The following TMEM212 variants were observed in gnomAD, a reference collection of about 807,000 sequenced individuals.
The protein encoded by TMEM212 is transmembrane protein 212.
TMEM212 carries 23 observed loss-of-function variants against 20.5 expected under a neutral mutation model. The observed-to-expected ratio is 1.12, with a 90% CI of 0.81 to 1.59. The LOEUF (loss-of-function observed/expected upper bound fraction) is 1.59, where lower values mean the gene tolerates loss of function less well. Ranked by LOEUF, TMEM212 falls within the 40% of genes most tolerant of loss-of-function variation. The pLI is 0.00. For synonymous variants in TMEM212, 76 were observed against 81.6 expected (o/e 0.93, Z 0.37); for missense variants, 211 against 215.0 (o/e 0.98, Z 0.12).
In TMEM212 at chr3:171,858,101, C is replaced by A. The variant is rs1388804196; in HGVS notation, c.*44C>A. ...AAGTTCATATGGGACCAAAAAAGAG[C>A]CCGCATACCCAAGACAATCCTAAGC... On this transcript the variant is annotated 3_prime_UTR_variant, in exon 5 of 5. Coordinates refer to ENST00000334567, the MANE Select transcript of TMEM212 (RefSeq NM_001164436.2). The A allele has an allele frequency of 6.6e-6, 1 of 152,072 alleles. No homozygotes were observed. The highest frequency in any genetic ancestry group is 1.5e-5 in the Non-Finnish European group (1 of 68,048). The allele number at this position is 152,072 out of a possible 1,614,324, so 9.4% of individuals were successfully genotyped here.
chr3:171,849,358 T>C (rs1724916837), intron 1 of TMEM212, among the ~76,000 whole-genome samples: 2 of 152,238 alleles, frequency 1.3e-5, no homozygotes, highest in Admixed American at 6.5e-5. Flanking sequence ...TTCTCGTGTG[T>C]GCATTATTTT....
chr3:171,857,319 G>T (rs1039995488), intron 4 of TMEM212, among the ~76,000 whole-genome samples: 2 of 152,160 alleles, frequency 1.3e-5, no homozygotes, highest in African/African-American at 4.8e-5. Context: ...AATAAATGGT[G>T]TTAGGAAAAC....
rs1465662283 is a variant in TMEM212, at chr3:171,853,882, G to T, written c.543+32G>T. 5 of 1,487,360 alleles carry T rather than the reference G, an allele frequency of 3.4e-6. No individual in the cohort carries two copies. The Admixed American group carries it at 1.0e-4, about 30-fold the overall frequency. The allele number at this position is 1,487,360 out of a possible 1,614,324, so 92.1% of individuals were successfully genotyped here. ...TTCAACAAAGGGGAGGCAGGTTCTTGTTCCATCTTGTATGCTAAAATGGAA... is the reference window on the plus strand; with the variant it reads ...TTCAACAAAGGGGAGGCAGGTTCTTTTTCCATCTTGTATGCTAAAATGGAA... On this transcript the variant is annotated intron_variant, in intron 3 of 4. Coordinates refer to ENST00000334567, the MANE Select transcript of TMEM212 (RefSeq NM_001164436.2).
intron 3 of TMEM212, among the ~76,000 whole-genome samples, chr3:171,855,169 C>A (rs1397429498): frequency 6.6e-6 from 1 of 152,126 alleles, no homozygotes; most frequent in Non-Finnish European, 1.5e-5. Context: ...ATCTCTTTGA[C>A]ATTCTTCAGA....
chr3:171,851,909 T>C, intron 1 of TMEM212, 73 bp from the exon 2 acceptor site: 1 of 1,351,806 alleles, frequency 7.4e-7, no homozygotes, highest in South Asian at 1.2e-5. Flanking sequence ...GTTGTCAAAC[T>C]GTGAGACAGA....
chr3:171,852,478 G>A (rs1725000107), intron 2 of TMEM212, among the ~76,000 whole-genome samples: 1 of 152,186 alleles, frequency 6.6e-6, no homozygotes, highest in Non-Finnish European at 1.5e-5. Flanking sequence ...TGGGATTACA[G>A]GCATTAGCTA....
intron 1 of TMEM212, among the ~76,000 whole-genome samples, chr3:171,848,628 A>AGAGTG (rs1010079313): frequency 3.6e-4 from 55 of 152,270 alleles, no homozygotes; most frequent in South Asian, 1.7e-3. Context: ...AGAACAGAGT[A>AGAGTG]GAGTGGAGTG....
At chr3:171,853,887 ATCT>A (rs1725051975) in intron 3 of TMEM212, 37 bp downstream of exon 3, 9 of 1,463,086 alleles carry the variant, frequency 6.2e-6, no homozygotes, top group Non-Finnish European at 7.3e-6. Flanking sequence ...TTCTTGTTCC[ATCT>A]TGTATGCTAA....
chr3:171,859,250 G>T lies in TMEM212; in HGVS notation c.*1193G>T, dbSNP rs930572552. The T allele has an allele frequency of 6.6e-6, 1 of 151,982 alleles. No individual in the cohort carries two copies. The highest frequency in any genetic ancestry group is 1.5e-5 in the Non-Finnish European group (1 of 68,008). The allele number at this position is 151,982 out of a possible 1,614,324, so 9.4% of individuals were successfully genotyped here. On this transcript the variant is annotated 3_prime_UTR_variant, in exon 5 of 5. Coordinates refer to ENST00000334567, the MANE Select transcript of TMEM212 (RefSeq NM_001164436.2). Reference sequence around the variant, plus strand: ...ACCAACATGGCACATATATACCTATGCAACAAACCTGCATGTTGTGCACAT... The same window carrying T: ...ACCAACATGGCACATATATACCTATTCAACAAACCTGCATGTTGTGCACAT...
chr3:171,850,174 T>A (rs1177026763), intron 1 of TMEM212, among the ~76,000 whole-genome samples: 1 of 152,160 alleles, frequency 6.6e-6, no homozygotes, highest in Non-Finnish European at 1.5e-5. Flanking sequence ...AAAATAGCCC[T>A]ATTCTATCTC....
intron 3 of TMEM212, among the ~76,000 whole-genome samples, chr3:171,855,994 A>G (rs1725105716): frequency 6.6e-6 from 1 of 152,224 alleles, no homozygotes; most frequent in African/African-American, 2.4e-5. Context: ...TGAAGGAAAA[A>G]GTATACAAAT....
chr3:171,848,575 AATAGG>A (rs1167557873), intron 1 of TMEM212, among the ~76,000 whole-genome samples: 4 of 144,936 alleles, frequency 2.8e-5, no homozygotes, highest in African/African-American at 8.4e-5. Context: ...AATAGAATAG[AATAGG>A]ATAGAATAGA....
intron 1 of TMEM212, among the ~76,000 whole-genome samples, chr3:171,846,062 G>A (rs1030521482): frequency 6.6e-6 from 1 of 151,992 alleles, no homozygotes; most frequent in Non-Finnish European, 1.5e-5. Context: ...TCTCCATCCT[G>A]TTACTTCCTG....
At chr3:171,852,062 TA>T (rs1221725221) in intron 2 of TMEM212, 21 bp downstream of exon 2, 1 of 1,528,554 alleles carries the variant, frequency 6.5e-7, no homozygotes, top group South Asian at 1.2e-5. Context: ...CGATGCCAAG[TA>T]GGATGGTAGA....
intron 3 of TMEM212, 23 bp downstream of exon 3, chr3:171,853,873 C>A (rs1725051557): frequency 6.6e-7 from 1 of 1,516,078 alleles, no homozygotes; most frequent in Non-Finnish European, 8.8e-7. Context: ...AAAGGGGAGG[C>A]AGGTTCTTGT....
At position 171,844,227 on chromosome 3, in the gene TMEM212, C is replaced by CA. The variant is rs34892401; in HGVS notation, c.159+694dup. Among the ~76,000 whole-genome samples, 10 of 150,254 alleles carry CA rather than the reference C, an allele frequency of 6.7e-5. No homozygotes were observed. In the East Asian group the frequency reaches 7.8e-4, roughly 12 times the overall value. ...TGGCCTGGTCCCTTAGCTCTCCAAC[C>CA]AAAAAAAAATGGGCACATCTAGTCT... On this transcript the variant is annotated intron_variant, in intron 1 of 4. Transcript: ENST00000334567.
rs1400507833 is a variant in TMEM212, at chr3:171,843,375, C to T, written c.-9C>T. On this transcript the variant is annotated 5_prime_UTR_variant, in exon 1 of 5. Transcript: ENST00000334567. The stretch of plus-strand genomic sequence containing the variant: ...TCTTTGAGACCAAGGCCTCAAGCCA[C>T]CAAGGAAAATGAAGGGCCTCTACCA... 1 of 1,531,090 alleles carries T rather than the reference C, an allele frequency of 6.5e-7. No homozygotes were observed. Among genetic ancestry groups the T allele is most frequent in the African/African-American group, 1.4e-5 (1 of 72,772 alleles). 94.8% of individuals were successfully genotyped at this position (1,531,090 alleles called of 1,614,324 possible).
intron 2 of TMEM212, among the ~76,000 whole-genome samples, chr3:171,853,323 G>GAA (rs201293595): frequency 0.014 from 1,523 of 110,744 alleles, 28 homozygotes; most frequent in African/African-American, 0.047. Context: ...CTTAAAAAGT[G>GAA]AAAAAAAAAA....
chr3:171,849,111 AC>A (rs1724909353), intron 1 of TMEM212, among the ~76,000 whole-genome samples: 1 of 151,440 alleles, frequency 6.6e-6, no homozygotes, highest in South Asian at 2.1e-4. Context: ...TGGACTCCTC[AC>A]TCCCTGCTCC....
Sources: allele counts gnomAD v4.1 joint callset (sites outside exome capture counted in the v4.1 genomes callset), GRCh38; gene constraint gnomAD v4.1.1; transcripts MANE v1.5; gene names NCBI Gene and HGNC (gene_info 2026-07-23, HGNC 2026-07-21).